The following PHIP variants were observed in gnomAD, a reference collection of about 807,000 sequenced individuals.
PHIP encodes the protein PHIP subunit of CUL4-Ring ligase complex, also known as PH-interacting protein.
In PHIP, 54 loss-of-function variants were observed where a neutral mutation model predicts 236.8. That is an observed-to-expected ratio of 0.23 (90% CI 0.18 to 0.29). The LOEUF (loss-of-function observed/expected upper bound fraction) is 0.29, where lower values mean the gene tolerates loss of function less well. Ranked by LOEUF, PHIP falls within the 10% of genes least tolerant of loss-of-function variation. The pLI, the probability that PHIP is intolerant of heterozygous loss-of-function variation, is 1.00. For missense variants in PHIP, 1,370 were observed against 2,190.8 expected (o/e 0.63, Z 7.48); for synonymous variants, 756 against 718.9 (o/e 1.05, Z -0.83).
At chr6:78,960,776 A>T (rs539714880) in intron 31 of PHIP, among the ~76,000 whole-genome samples, 30 of 152,244 alleles carry the variant, frequency 2.0e-4, no homozygotes, top group African/African-American at 6.5e-4. Flanking sequence ...TCTAGTGGGT[A>T]CAGGCACAGG....
intron 15 of PHIP, chr6:79,004,426 C>T: frequency 2.0e-6 from 2 of 984,602 alleles, no homozygotes; most frequent in Non-Finnish European, 2.4e-6. Flanking sequence ...AATGGGTTTC[C>T]TCCCTGCAAC....
intron 8 of PHIP, 124 bp from the exon 9 acceptor site, chr6:79,025,743 TTA>T (rs1771369478): frequency 8.2e-6 from 6 of 727,400 alleles, no homozygotes; most frequent in East Asian, 2.6e-5. Context: ...TTTACCAAGG[TTA>T]TGTTATTTAA....
intron 19 of PHIP, among the ~76,000 whole-genome samples, chr6:78,992,613 C>T (rs1321440492): frequency 6.6e-6 from 1 of 152,042 alleles, no homozygotes; most frequent in Non-Finnish European, 1.5e-5. Flanking sequence ...GGCTTTTTCA[C>T]TACCATTATA....
chr6:79,035,550 G>A (rs1487886423), intron 7 of PHIP, among the ~76,000 whole-genome samples: 3 of 152,148 alleles, frequency 2.0e-5, no homozygotes, highest in Non-Finnish European at 2.9e-5. Context: ...AAATATCTTA[G>A]AGAATTTGGC....
chr6:78,948,437 G>C (rs903032298), intron 35 of PHIP, among the ~76,000 whole-genome samples: 16 of 152,116 alleles, frequency 1.1e-4, no homozygotes, highest in African/African-American at 3.9e-4. Context: ...TCATAATATG[G>C]TATATAATTC....
In PHIP at chr6:78,988,265, A is replaced by G. The variant is rs1562156020; in HGVS notation, c.2404T>C (p.Leu802=). 6.2e-7 allele frequency: 1 copy of G among 1,609,364 alleles called. No individual in the cohort carries two copies. Among genetic ancestry groups the G allele is most frequent in the Non-Finnish European group, 8.5e-7 (1 of 1,176,514 alleles). The change falls in exon 21 of 40, where the codon TTG becomes CTG. Residue 802 remains leucine, a synonymous_variant. Coordinates refer to ENST00000275034, the MANE Select transcript of PHIP (RefSeq NM_017934.7). ...TCTGAGGGTCTAGGAGTCTCTTCCA[A>G]TGCAGATCTTGTACGATAATTGTGT... The part of the protein sequence containing the change: ...NQHNYRTRSA[L]EETPRPSEEI...
At chr6:78,993,368 T>A (rs979133136) in intron 19 of PHIP, among the ~76,000 whole-genome samples, 14 of 152,200 alleles carry the variant, frequency 9.2e-5, no homozygotes, top group Admixed American at 7.2e-4. Context: ...AGACTTTCAA[T>A]GTAGTAACAG....
chr6:78,964,169 C>T (rs1766976996), intron 29 of PHIP, among the ~76,000 whole-genome samples: 1 of 151,996 alleles, frequency 6.6e-6, no homozygotes, highest in Non-Finnish European at 1.5e-5. Context: ...AACATGGTTA[C>T]CAATTGATTT....
At chr6:79,024,132 T>C (rs989884749) in intron 9 of PHIP, among the ~76,000 whole-genome samples, 4 of 152,196 alleles carry the variant, frequency 2.6e-5, no homozygotes, top group Non-Finnish European at 5.9e-5. Context: ...AATGAAGTAG[T>C]TTTGTTACTC....
intron 31 of PHIP, among the ~76,000 whole-genome samples, chr6:78,960,108 A>G (rs756786701): frequency 6.6e-6 from 1 of 152,190 alleles, no homozygotes; most frequent in Non-Finnish European, 1.5e-5. Flanking sequence ...CCAGAAAAAG[A>G]TGAAAATTCA....
Position 79,003,865 on chromosome 6 carries a change from T to C in PHIP, c.1525-7A>G. 6.4e-7 allele frequency: 1 copy of C among 1,571,064 alleles called. No homozygotes were observed. Among genetic ancestry groups the C allele is most frequent in the Non-Finnish European group, 8.6e-7 (1 of 1,159,298 alleles). On this transcript the variant is annotated splice_polypyrimidine_tract_variant and splice_region_variant and intron_variant, in intron 15 of 39. Coordinates refer to ENST00000275034, the MANE Select transcript of PHIP (RefSeq NM_017934.7). ...CATGTCCTTGGCCTTCAATCTGAAA[T>C]ATATTTAACCAACAGTAAGAAAACT...
At chr6:79,077,361 T>G in intron 4 of PHIP, 87 bp downstream of exon 4, 2 of 1,252,050 alleles carry the variant, frequency 1.6e-6, no homozygotes, top group Non-Finnish European at 2.3e-6. Flanking sequence ...TAGGGCCAAG[T>G]TTTTGTCTCT....
intron 17 of PHIP, among the ~76,000 whole-genome samples, chr6:78,999,618 T>G (rs1263575664): frequency 6.6e-6 from 1 of 152,016 alleles, no homozygotes. Flanking sequence ...AATATTGCCA[T>G]GAGTATAAAG....
chr6:78,975,937 T>C (rs1224300019), intron 24 of PHIP, among the ~76,000 whole-genome samples: 3 of 151,044 alleles, frequency 2.0e-5, no homozygotes, highest in East Asian at 2.0e-4. Context: ...ATTGTGAAAA[T>C]GGCCATACTG....
chr6:78,974,290 G>A (rs1767872305), intron 24 of PHIP, among the ~76,000 whole-genome samples: 1 of 151,858 alleles, frequency 6.6e-6, no homozygotes, highest in Non-Finnish European at 1.5e-5. Context: ...GGTACATAAT[G>A]AAATGAAGGC....
At position 78,965,666 on chromosome 6, in the gene PHIP, C is replaced by T. The variant is rs535848246; in HGVS notation, c.3379+37G>A. 3.5e-6 allele frequency: 4 copies of T among 1,147,860 alleles called. No homozygotes were observed. In the South Asian group the frequency reaches 4.1e-5, roughly 12 times the overall value. The allele number at this position is 1,147,860 out of a possible 1,614,324, so 71.1% of individuals were successfully genotyped here. A position where few individuals can be genotyped will look rare whatever the true frequency, so the allele number is the denominator to read the frequency against. On this transcript the variant is annotated intron_variant, in intron 29 of 39. Transcript: ENST00000275034. ...TAAATAATTTCTTAAGAAATTAACT[C>T]CATAATGGAGAAACAAAAAGCCTAA...
chr6:79,055,850 T>C (rs1773042425), intron 6 of PHIP, among the ~76,000 whole-genome samples: 1 of 152,228 alleles, frequency 6.6e-6, no homozygotes, highest in African/African-American at 2.4e-5. Flanking sequence ...GATAACTCAG[T>C]CTACTCATAA....
Position 79,057,273 on chromosome 6 carries a change from C to T in PHIP, c.439+3205G>A, listed in dbSNP as rs535669326. ...AAATTAACAAACCCTATGTCAAGTA[C>T]GGTATCCTGGACTGGATCCTGGAAT... is the stretch of plus-strand genomic sequence containing the variant. On this transcript the variant is annotated intron_variant, in intron 6 of 39. Transcript: ENST00000275034. Among the ~76,000 whole-genome samples the T allele has an allele frequency of 5.3e-5, 8 of 152,172 alleles. No homozygotes were observed. The South Asian group carries it at 1.4e-3, about 28-fold the overall frequency.
intron 24 of PHIP, among the ~76,000 whole-genome samples, chr6:78,972,997 C>T (rs1767716575): frequency 6.6e-6 from 1 of 152,006 alleles, no homozygotes; most frequent in African/African-American, 2.4e-5. Flanking sequence ...GCAAGGCAGG[C>T]CAACGTTGAG....
Sources: gnomAD v4.1 joint callset for allele counts (sites outside exome capture counted in the v4.1 genomes callset) on GRCh38, gnomAD v4.1.1 for gene constraint, MANE v1.5 for transcripts, NCBI Gene and HGNC (gene_info 2026-07-23, HGNC 2026-07-21) for gene names.